Variants in UBN2 observed in about 807,000 individuals in gnomAD.
UBN2 encodes ubinuclein-2.
A neutral mutation model predicts 120.2 loss-of-function variants in UBN2; 35 were observed. The ratio of observed to expected loss-of-function variants is 0.29; its 90% CI spans 0.22 to 0.39. UBN2 has a LOEUF of 0.39. Among genes scored for constraint, UBN2 ranks in the 10% least tolerant of loss-of-function variants. The pLI is 1.00. For synonymous variants in UBN2, 661 were observed against 648.7 expected (o/e 1.02, Z -0.29); for missense variants, 1,693 against 1,663.2 (o/e 1.02, Z -0.31).
At chr7:139,246,787 T>C (rs781769287) in intron 2 of UBN2, among the ~76,000 whole-genome samples, 1 of 152,162 alleles carries the variant, frequency 6.6e-6, no homozygotes, top group East Asian at 1.9e-4. Flanking sequence ...TTTGTTGGCC[T>C]TTTCTAGGGT....
At position 139,284,075 on chromosome 7, in the gene UBN2, C is replaced by G. The variant is rs1563223582; in HGVS notation, c.3170C>G (p.Pro1057Arg). The change falls in exon 15 of 18, where the codon CCT (proline) becomes CGT (arginine). Residue 1057 changes from proline (P) to arginine (R), a missense_variant. By Grantham distance (103) the Pro-to-Arg change is moderately radical (BLOSUM62 -2). Transcript: ENST00000473989. ...TSPKPLPSPK[P>R]SASPKPSLSA... is the part of the protein sequence containing the mutation. ...CCTAAACCCCTGCCCTCGCCTAAGC[C>G]TTCTGCCTCACCCAAGCCCTCTCTG... 2.5e-6 allele frequency: 4 copies of G among 1,614,036 alleles called. No individual in the cohort carries two copies. In the African/African-American group the frequency reaches 5.3e-5, roughly 22 times the overall value.
intron 11 of UBN2, among the ~76,000 whole-genome samples, chr7:139,274,514 G>A (rs1002484055): frequency 3.9e-5 from 6 of 152,160 alleles, no homozygotes; most frequent in African/African-American, 1.4e-4. Context: ...TGTAATCCCA[G>A]CACTTTGGGA....
intron 2 of UBN2, among the ~76,000 whole-genome samples, chr7:139,240,512 A>T (rs1183400850): frequency 1.3e-5 from 2 of 150,252 alleles, no homozygotes; most frequent in African/African-American, 4.9e-5. Flanking sequence ...GCCAAAAGTG[A>T]CCTGAGAGAA....
At chr7:139,295,399 C>G (rs1798080852) in intron 17 of UBN2, among the ~76,000 whole-genome samples, 1 of 152,014 alleles carries the variant, frequency 6.6e-6, no homozygotes, top group African/African-American at 2.4e-5. Flanking sequence ...TGGGTGTAGA[C>G]AGCTGCTTGG....
chr7:139,239,105 G>A (rs1328485610), intron 2 of UBN2, among the ~76,000 whole-genome samples: 2 of 152,036 alleles, frequency 1.3e-5, no homozygotes, highest in South Asian at 2.1e-4. Flanking sequence ...CCACTTCCTA[G>A]GCAAGTAACA....
At chr7:139,236,936 A>C (rs1796178907) in intron 1 of UBN2, 69 bp from the exon 2 acceptor site, 1 of 993,872 alleles carries the variant, frequency 1.0e-6, no homozygotes, top group Non-Finnish European at 1.5e-6. Flanking sequence ...ATGATAAATA[A>C]ACAAACAATA....
At chr7:139,293,864 A>G in intron 16 of UBN2, 25 bp from the exon 17 acceptor site, 2 of 1,606,676 alleles carry the variant, frequency 1.2e-6, no homozygotes, top group Non-Finnish European at 1.7e-6. Context: ...TTTAAAGATG[A>G]CTGACAAGTC....
chr7:139,268,490 A>G (rs753079340), intron 7 of UBN2, among the ~76,000 whole-genome samples: 2 of 152,182 alleles, frequency 1.3e-5, no homozygotes, highest in African/African-American at 2.4e-5. Context: ...CTAGGGAAAA[A>G]AGAGATCAAT....
intron 15 of UBN2, among the ~76,000 whole-genome samples, chr7:139,286,644 CA>C (rs994171514): frequency 2.2e-4 from 32 of 146,560 alleles, no homozygotes; most frequent in East Asian, 1.8e-3. Flanking sequence ...TTATAACCGG[CA>C]AAAAAAAAAT....
chr7:139,289,000 C>CA (rs200360523), intron 15 of UBN2, among the ~76,000 whole-genome samples: 6,503 of 66,314 alleles, frequency 0.098, 587 homozygotes, highest in African/African-American at 0.24. Flanking sequence ...GACGCCATCT[C>CA]AAAAAAAAAA....
the UBN2 span, among the ~76,000 whole-genome samples, chr7:139,329,800 C>T: frequency 6.6e-6 from 1 of 151,988 alleles, no homozygotes; most frequent in Non-Finnish European, 1.5e-5. Flanking sequence ...TGCCCCCAGA[C>T]CAGGATTTAG....
the UBN2 span, among the ~76,000 whole-genome samples, chr7:139,327,077 A>G: frequency 6.6e-6 from 1 of 152,142 alleles, no homozygotes; most frequent in Non-Finnish European, 1.5e-5. Context: ...CTTGTTGCCC[A>G]GGCTGGAATG....
intron 2 of UBN2, among the ~76,000 whole-genome samples, chr7:139,248,624 T>A (rs1796536081): frequency 6.6e-6 from 1 of 152,192 alleles, no homozygotes; most frequent in South Asian, 2.1e-4. Flanking sequence ...CTTTTTATTC[T>A]TATATTCCTA....
Position 139,303,106 on chromosome 7 carries a change from A to G in UBN2, c.*5270A>G, listed in dbSNP as rs1302215426. 1 of 152,218 alleles carries G rather than the reference A, an allele frequency of 6.6e-6. No homozygotes were observed. Among genetic ancestry groups the G allele is most frequent in the Admixed American group, 6.5e-5 (1 of 15,288 alleles). The allele number at this position is 152,218 out of a possible 1,614,324, so 9.4% of individuals were successfully genotyped here. ...CATATAGCTGCATATCTATCTGTTA[A>G]AAGGTTAATAAACTCAGAAGTAGAA... On this transcript the variant is annotated 3_prime_UTR_variant, in exon 18 of 18. Coordinates refer to ENST00000473989, the MANE Select transcript of UBN2 (RefSeq NM_173569.4).
chr7:139,250,453 C>T (rs1052681041), intron 2 of UBN2, among the ~76,000 whole-genome samples: 8 of 151,796 alleles, frequency 5.3e-5, no homozygotes, highest in Non-Finnish European at 1.2e-4. Flanking sequence ...AGGCTGGTCT[C>T]GAACTCCTGG....
rs868644116 is a variant in UBN2 at position 139,251,184 on chromosome 7, A to T, written c.562-772A>T. ...ATAGAGCAAGACCCTATCTTTAAAA[A>T]AATAATAATAATAATTTAAAACATA... On this transcript the variant is annotated intron_variant, in intron 2 of 17. Transcript: ENST00000473989. Among the ~76,000 whole-genome samples, 6 of 152,280 alleles carry T rather than the reference A, an allele frequency of 3.9e-5. No homozygotes were observed. The Middle Eastern group carries it at 0.01, about 259-fold the overall frequency.
At chr7:139,276,425 C>G (rs977783821) in intron 12 of UBN2, 6 of 425,898 alleles carry the variant, frequency 1.4e-5, no homozygotes, top group African/African-American at 1.0e-4. Context: ...GGCCTTCTAC[C>G]TGCCAGTCTT....
chr7:139,288,465 A>G (rs1442627228), intron 15 of UBN2, among the ~76,000 whole-genome samples: 1 of 152,176 alleles, frequency 6.6e-6, no homozygotes, highest in Non-Finnish European at 1.5e-5. Context: ...GAAGGCCTGC[A>G]TGGCTGGACC....
intron 12 of UBN2, chr7:139,277,419 A>G (rs1245719061): frequency 6.6e-6 from 1 of 152,212 alleles, no homozygotes; most frequent in African/African-American, 2.4e-5. Flanking sequence ...CACATTTTAT[A>G]TGTTTTATGT....
Sources: allele counts gnomAD v4.1 joint callset (sites outside exome capture counted in the v4.1 genomes callset), GRCh38; gene constraint gnomAD v4.1.1; transcripts MANE v1.5; gene names NCBI Gene and HGNC (gene_info 2026-07-23, HGNC 2026-07-21).